Variants in ADCY2 observed in about 807,000 individuals in gnomAD.
ADCY2 encodes the protein adenylate cyclase type 2.
A neutral mutation model predicts 125.2 loss-of-function variants in ADCY2; 31 were observed. The observed-to-expected ratio is 0.25, with a 90% confidence interval of 0.19 to 0.33. The LOEUF (loss-of-function observed/expected upper bound fraction) is 0.33. ADCY2 is among the 10% of genes least tolerant of loss of function. ADCY2 has a pLI of 1.00. For synonymous variants in ADCY2, 512 were observed against 548.4 expected, an observed-to-expected ratio of 0.93 and a Z score of 0.93; for missense variants, 904 against 1,418.2, an observed-to-expected ratio of 0.64 and a Z score of 5.82.
rs112865573 is a variant in ADCY2 at position 7,812,570 on chromosome 5, G to T, written c.2884-4296G>T. 3.2e-3 allele frequency among the ~76,000 whole-genome samples: 485 copies of T among 152,280 alleles called. 5 individuals carry two copies. The highest frequency in any genetic ancestry group is 0.011 in the African/African-American group (452 of 41,560). ...CAAGACCCAGGGATGCAGGCTGAAT[G>T]CATTGCTTGTATCCATTTATTCAAT... is the stretch of plus-strand genomic sequence containing the variant. On this transcript the variant is annotated intron_variant, in intron 22 of 24. Coordinates refer to ENST00000338316, the MANE Select transcript of ADCY2 (RefSeq NM_020546.3).
At chr5:7,676,563 AAC>A (rs1237526552) in intron 4 of ADCY2, among the ~76,000 whole-genome samples, 19 of 152,228 alleles carry the variant, frequency 1.2e-4, no homozygotes, top group African/African-American at 4.6e-4. Context: ...TTACGTCTAC[AAC>A]AGTCTTAAAA....
chr5:7,584,108 A>G (rs904531102), intron 3 of ADCY2, among the ~76,000 whole-genome samples: 1 of 152,122 alleles, frequency 6.6e-6, no homozygotes, highest in Admixed American at 6.5e-5. Context: ...AATGTTCCAC[A>G]TCTTTATAGG....
chr5:7,447,133 A>G (rs1231789516), intron 2 of ADCY2, among the ~76,000 whole-genome samples: 2 of 152,080 alleles, frequency 1.3e-5, no homozygotes. Flanking sequence ...GGCTGAAGTT[A>G]AATAGGCTCA....
intron 2 of ADCY2, among the ~76,000 whole-genome samples, chr5:7,426,910 T>C (rs1036702990): frequency 6.6e-6 from 1 of 151,796 alleles, no homozygotes; most frequent in Non-Finnish European, 1.5e-5. Context: ...TTGCCAAGAG[T>C]GGTGAACAGA....
chr5:7,770,399 G>T (rs184658420), intron 17 of ADCY2, among the ~76,000 whole-genome samples: 171 of 152,220 alleles, frequency 1.1e-3, no homozygotes, highest in African/African-American at 3.8e-3. Flanking sequence ...TCTCTCATTC[G>T]ATTAGGCTGA....
chr5:7,602,297 C>T (rs867357981), intron 3 of ADCY2, among the ~76,000 whole-genome samples: 2 of 152,212 alleles, frequency 1.3e-5, no homozygotes, highest in East Asian at 1.9e-4. Context: ...AAATCTGCTT[C>T]GATTTCCTCC....
intron 2 of ADCY2, among the ~76,000 whole-genome samples, chr5:7,476,056 A>G (rs1183128033): frequency 6.6e-6 from 1 of 152,190 alleles, no homozygotes; most frequent in African/African-American, 2.4e-5. Flanking sequence ...ACAGCATGAA[A>G]AGAAATACCG....
At chr5:7,521,359 T>TA (rs146909661) in intron 3 of ADCY2, among the ~76,000 whole-genome samples, 2,659 of 151,266 alleles carry the variant, frequency 0.018, 98 homozygotes, top group African/African-American at 0.061. Flanking sequence ...CTATGAGCAT[T>TA]AAAAAAAAAG....
chr5:7,512,235 A>AAAAAAAAAAAAAAAAAAAAAAC (rs1744093617), intron 2 of ADCY2, among the ~76,000 whole-genome samples: 1 of 150,206 alleles, frequency 6.7e-6, no homozygotes, highest in South Asian at 2.1e-4. Context: ...AAAAAAAAAA[A>AAAAAAAAAAAAAAAAAAAAAAC]AAAAAGAAAA....
intron 4 of ADCY2, among the ~76,000 whole-genome samples, chr5:7,679,745 G>A (rs1740267001): frequency 6.6e-6 from 1 of 152,170 alleles, no homozygotes; most frequent in Admixed American, 6.5e-5. Context: ...GCTTTTGGAG[G>A]GAAGGTGACA....
intron 22 of ADCY2, among the ~76,000 whole-genome samples, chr5:7,805,158 A>G (rs976173929): frequency 1.4e-5 from 2 of 143,968 alleles, no homozygotes; most frequent in Non-Finnish European, 3.0e-5. Context: ...TTTACCAAAA[A>G]TACAAAAAAA....
chr5:7,739,052 C>G (rs1291123652), intron 14 of ADCY2, among the ~76,000 whole-genome samples: 1 of 151,700 alleles, frequency 6.6e-6, no homozygotes. Flanking sequence ...ATATCAACTT[C>G]CTAAAACTAA....
At chr5:7,474,284 T>C (rs1470529988) in intron 2 of ADCY2, among the ~76,000 whole-genome samples, 1 of 152,174 alleles carries the variant, frequency 6.6e-6, no homozygotes, top group Non-Finnish European at 1.5e-5. Flanking sequence ...AGCTTTCTCA[T>C]GAAGATACTG....
intron 3 of ADCY2, among the ~76,000 whole-genome samples, chr5:7,571,407 T>G (rs1247240034): frequency 6.6e-6 from 1 of 152,124 alleles, no homozygotes; most frequent in African/African-American, 2.4e-5. Flanking sequence ...GAGAACGAAT[T>G]TGCCCTTCCT....
chr5:7,806,599 A>AG (rs575941695), intron 22 of ADCY2, among the ~76,000 whole-genome samples: 1 of 151,970 alleles, frequency 6.6e-6, no homozygotes, highest in Admixed American at 6.6e-5. Flanking sequence ...CCTCCCATGG[A>AG]GGGGAGAGAG....
At chr5:7,764,208 G>A (rs184360515) in intron 16 of ADCY2, among the ~76,000 whole-genome samples, 141 of 152,286 alleles carry the variant, frequency 9.3e-4, no homozygotes, top group Admixed American at 2.9e-3. Flanking sequence ...AAAAACAATT[G>A]GTTGTCCATG....
intron 2 of ADCY2, among the ~76,000 whole-genome samples, chr5:7,482,791 T>TATATATATATATATATATATATATAC (rs1443104319): frequency 2.9e-5 from 4 of 139,832 alleles, no homozygotes; most frequent in African/African-American, 1.1e-4. Context: ...TATATATATA[T>TATATATATATATATATATATATATAC]ACACACACAC....
intron 1 of ADCY2, among the ~76,000 whole-genome samples, chr5:7,408,857 G>A (rs1000179411): frequency 1.3e-5 from 2 of 151,940 alleles, no homozygotes; most frequent in African/African-American, 4.8e-5. Flanking sequence ...AATACCATTG[G>A]ACCCAGCAAT....
At chr5:7,718,395 G>A (rs187227679) in intron 12 of ADCY2, among the ~76,000 whole-genome samples, 4 of 152,092 alleles carry the variant, frequency 2.6e-5, no homozygotes, top group East Asian at 1.9e-4. Context: ...TGATCCACCC[G>A]CCTCAGCCTC....
Sources: allele counts gnomAD v4.1 joint callset (sites outside exome capture counted in the v4.1 genomes callset), GRCh38; gene constraint gnomAD v4.1.1; transcripts MANE v1.5; gene names NCBI Gene and HGNC (gene_info 2026-07-23, HGNC 2026-07-21).